The following TMPRSS15 variants were observed in gnomAD, a reference collection of about 807,000 sequenced individuals.
The protein encoded by TMPRSS15 is transmembrane serine protease 15.
Under a neutral mutation model 125.3 loss-of-function variants are expected in TMPRSS15, and 128 were observed. That is an observed-to-expected ratio of 1.02 (90% CI 0.89 to 1.18). The LOEUF is 1.18. TMPRSS15 is among the 50% of genes most tolerant of loss of function. The pLI, the probability that TMPRSS15 is intolerant of heterozygous loss-of-function variation, is 0.00. For synonymous variants in TMPRSS15, 446 were observed against 423.2 expected (o/e 1.05, Z -0.66); for missense variants, 1,283 against 1,212.7 (o/e 1.06, Z -0.86).
At chr21:18,379,213 G>A (rs1001372279) in intron 5 of TMPRSS15, 70 bp downstream of exon 5, 1 of 687,776 alleles carries the variant, frequency 1.5e-6, no homozygotes, top group East Asian at 3.4e-5. Flanking sequence ...AGACTTCTCA[G>A]GGGCCTAAAA....
intron 8 of TMPRSS15, among the ~76,000 whole-genome samples, chr21:18,359,465 A>G (rs1156242980): frequency 6.6e-6 from 1 of 152,086 alleles, no homozygotes. Flanking sequence ...AGGGACTAAC[A>G]TTTAAACAAT....
Position 18,353,863 on chromosome 21 carries a change from G to T in TMPRSS15, c.881C>A (p.Ala294Asp), listed in dbSNP as rs549815861. 1 of 1,609,990 alleles carries T rather than the reference G, an allele frequency of 6.2e-7. No homozygotes were observed. The highest frequency in any genetic ancestry group is 1.3e-5 in the African/African-American group (1 of 74,746). The change falls in exon 9 of 25, where the codon GCT becomes GAT. Residue 294 changes from alanine (A) to aspartate (D), a missense_variant and splice_region_variant. Ala to Asp is a moderately radical substitution (Grantham distance 126). Coordinates refer to ENST00000284885, the MANE Select transcript of TMPRSS15 (RefSeq NM_002772.3). ...EGVGSSKILRASIWETNPGTI... is the reference protein window; with the variant it reads ...EGVGSSKILRDSIWETNPGTI... ...GCCAGGATTAGTTTCCCAAATAGAA[G>T]CTACAAAATAAAATAAACAACTGTT...
intron 1 of TMPRSS15, among the ~76,000 whole-genome samples, chr21:18,417,939 A>G (rs1449339990): frequency 1.3e-5 from 2 of 152,206 alleles, no homozygotes; most frequent in Non-Finnish European, 2.9e-5. Context: ...TAATTGCCAG[A>G]AATGCTATAT....
intron 15 of TMPRSS15, 84 bp from the exon 16 acceptor site, chr21:18,326,656 C>A: frequency 6.6e-7 from 1 of 1,519,230 alleles, no homozygotes; most frequent in Non-Finnish European, 9.1e-7. Flanking sequence ...GTTCCCTCTG[C>A]CAGACGTAGG....
At chr21:18,329,139 A>C (rs934184780) in intron 15 of TMPRSS15, 30 bp downstream of exon 15, 1 of 1,610,712 alleles carries the variant, frequency 6.2e-7, no homozygotes, top group Non-Finnish European at 8.5e-7. Context: ...GAGCTTTACA[A>C]CCTTTACAAT....
At chr21:18,344,084 T>C (rs1569021778) in intron 10 of TMPRSS15, 24 bp from the exon 11 acceptor site, 2 of 1,578,090 alleles carry the variant, frequency 1.3e-6, no homozygotes, top group South Asian at 2.2e-5. Context: ...AAAAAAAATT[T>C]ATTTCACTTA....
In TMPRSS15 at chr21:18,315,255, C is replaced by G; in HGVS notation, c.1923G>C (p.Glu641Asp). Residue 641 changes from glutamate (E) to aspartate (D), a missense_variant and splice_region_variant, in exon 17 of 25, where the codon GAG becomes GAC. Coordinates refer to ENST00000284885, the MANE Select transcript of TMPRSS15 (RefSeq NM_002772.3). ...FTTGYHLGIP[E>D]PCKADHFQCK... ...ATTGAAAATGGTCTGCCTTGCATGG[C>G]TCTATGGGGAAAGAATGTTTATTGT... 1 of 1,609,338 alleles carries G rather than the reference C, an allele frequency of 6.2e-7. No individual in the cohort carries two copies. The highest frequency in any genetic ancestry group is 8.5e-7 in the Non-Finnish European group (1 of 1,176,418).
intron 16 of TMPRSS15, among the ~76,000 whole-genome samples, chr21:18,321,350 T>TTC (rs35081352): frequency 0.056 from 1,149 of 20,566 alleles, 5 homozygotes; most frequent in Middle Eastern, 0.11. Context: ...TTTTTCCTTC[T>TTC]TTTTTTTTTT....
upstream of TMPRSS15, among the ~76,000 whole-genome samples, chr21:18,406,679 A>T (rs2076152717): frequency 6.6e-6 from 1 of 152,186 alleles, no homozygotes. Context: ...TAGTAGTGTC[A>T]TTCATCGCTT....
chr21:18,444,062 G>A (rs1002783988), intron 1 of TMPRSS15, among the ~76,000 whole-genome samples: 1 of 152,086 alleles, frequency 6.6e-6, no homozygotes, highest in Non-Finnish European at 1.5e-5. Flanking sequence ...CAGGGTGGGT[G>A]AATCCACTCA....
intron 1 of TMPRSS15, among the ~76,000 whole-genome samples, chr21:18,413,098 G>C (rs2076170074): frequency 6.6e-6 from 1 of 152,070 alleles, no homozygotes; most frequent in South Asian, 2.1e-4. Flanking sequence ...CTTCAGTTTA[G>C]ATGTGGTCAT....
chr21:18,440,200 T>C (rs113881075), intron 1 of TMPRSS15, among the ~76,000 whole-genome samples: 15,938 of 150,216 alleles, frequency 0.11, 923 homozygotes, highest in African/African-American at 0.13. Context: ...CGGTGAAACC[T>C]CGTCTCTACT....
At chr21:18,287,020 C>T (rs1282643709) in intron 21 of TMPRSS15, among the ~76,000 whole-genome samples, 2 of 152,222 alleles carry the variant, frequency 1.3e-5, no homozygotes, top group Non-Finnish European at 2.9e-5. Flanking sequence ...TCTCCAACCA[C>T]TGTATCGAAA....
intron 6 of TMPRSS15, among the ~76,000 whole-genome samples, chr21:18,370,740 A>G (rs748658526): frequency 6.6e-6 from 1 of 152,164 alleles, no homozygotes; most frequent in Non-Finnish European, 1.5e-5. Context: ...CTTAGTGGAA[A>G]TCTCTGTAGT....
intron 5 of TMPRSS15, among the ~76,000 whole-genome samples, chr21:18,375,007 G>C (rs1290767760): frequency 1.3e-5 from 2 of 152,152 alleles, no homozygotes; most frequent in Non-Finnish European, 2.9e-5. Context: ...AACAAATTGT[G>C]GGGTTAGAAA....
intron 16 of TMPRSS15, among the ~76,000 whole-genome samples, chr21:18,316,619 G>C (rs543287675): frequency 1.3e-5 from 2 of 152,170 alleles, no homozygotes; most frequent in Non-Finnish European, 2.9e-5. Context: ...AGACACAAAA[G>C]GAAAATGAAA....
At position 18,440,245 on chromosome 21, in the gene TMPRSS15, C is replaced by T. The variant is rs1051974960; in HGVS notation, c.11-41916G>A. ...AAAATTAGCCGGGCATGGTGGCGCG[C>T]GCCTGTAGTCCCAGCTACACGGGAG... On this transcript the variant is annotated intron_variant, in intron 1 of 7. Coordinates refer to the TMPRSS15 transcript ENST00000422787. Among the ~76,000 whole-genome samples the T allele has an allele frequency of 8.0e-5, 12 of 150,606 alleles. No homozygotes were observed. The East Asian group carries it at 9.8e-4, about 12-fold the overall frequency.
intron 18 of TMPRSS15, among the ~76,000 whole-genome samples, chr21:18,307,624 A>G (rs369168411): frequency 6.6e-6 from 1 of 152,176 alleles, no homozygotes; most frequent in African/African-American, 2.4e-5. Context: ...AACACATACA[A>G]TATCATCACC....
chr21:18,355,351 C>T (rs1391015259), intron 8 of TMPRSS15, among the ~76,000 whole-genome samples: 1 of 151,700 alleles, frequency 6.6e-6, no homozygotes, highest in East Asian at 1.9e-4. Flanking sequence ...GTGTTGGATT[C>T]TCACGATATC....
Sources: allele counts gnomAD v4.1 joint callset (sites outside exome capture counted in the v4.1 genomes callset), GRCh38; gene constraint gnomAD v4.1.1; transcripts MANE v1.5; gene names NCBI Gene and HGNC (gene_info 2026-07-23, HGNC 2026-07-21).